EXT1: variants seen among roughly 807,000 people sequenced by gnomAD.
EXT1 encodes exostosin glycosyltransferase 1, also known as exostosin-1.
EXT1 carries 20 observed loss-of-function variants against 82.5 expected under a neutral mutation model. The ratio of observed to expected loss-of-function variants is 0.24; its 90% CI spans 0.17 to 0.35. The LOEUF (loss-of-function observed/expected upper bound fraction) is 0.35, where lower values mean the gene tolerates loss of function less well. Among genes scored for constraint, EXT1 ranks in the 10% least tolerant of loss-of-function variants. The probability of loss-of-function intolerance (pLI) is 1.00; values close to 1 mark genes in which losing one functional copy is unlikely to be tolerated. For missense variants in EXT1, 757 were observed against 936.5 expected (o/e 0.81, Z 2.50); for synonymous variants, 348 against 350.8 (o/e 0.99, Z 0.09).
intron 1 of EXT1, among the ~76,000 whole-genome samples, chr8:117,873,721 G>T (rs1367259577): frequency 6.6e-6 from 1 of 152,162 alleles, no homozygotes; most frequent in East Asian, 1.9e-4. Context: ...CTCCCAAAGT[G>T]CTGGGATTAC....
chr8:117,832,609 T>C (rs1812121232), intron 3 of EXT1, among the ~76,000 whole-genome samples: 1 of 152,110 alleles, frequency 6.6e-6, no homozygotes. Context: ...GCTGTGGTTA[T>C]GAAAGGAGAA....
intron 1 of EXT1, among the ~76,000 whole-genome samples, chr8:117,957,116 TAA>T (rs2129708542): frequency 6.6e-6 from 1 of 152,296 alleles, no homozygotes; most frequent in South Asian, 2.1e-4. Context: ...AGCACTGTGT[TAA>T]GAGTCACCAA....
intron 1 of EXT1, among the ~76,000 whole-genome samples, chr8:118,019,742 C>A (rs1816067772): frequency 6.6e-6 from 1 of 152,170 alleles, no homozygotes; most frequent in Non-Finnish European, 1.5e-5. Context: ...TCAACATCCC[C>A]TTTTTATTGT....
intron 1 of EXT1, among the ~76,000 whole-genome samples, chr8:117,935,947 AGAG>A (rs1199172421): frequency 6.6e-6 from 1 of 152,184 alleles, no homozygotes; most frequent in Non-Finnish European, 1.5e-5. Flanking sequence ...AACACCAGGC[AGAG>A]GAGAACGAAT....
At chr8:117,964,944 C>A (rs547980339) in intron 1 of EXT1, among the ~76,000 whole-genome samples, 1 of 152,180 alleles carries the variant, frequency 6.6e-6, no homozygotes, top group East Asian at 1.9e-4. Flanking sequence ...AGCCAGAAAT[C>A]TTTGTTTTAC....
chr8:117,988,382 G>C (rs1490390471), intron 1 of EXT1, among the ~76,000 whole-genome samples: 1 of 152,152 alleles, frequency 6.6e-6, no homozygotes, highest in Non-Finnish European at 1.5e-5. Context: ...TCATTACAAA[G>C]TGTAGATTCC....
rs985886821 is a variant in EXT1, at chr8:118,095,163, G to T, written c.962+14922C>A. On this transcript the variant is annotated intron_variant, in intron 1 of 10. Transcript: ENST00000378204. ...CACTTCATATTTTTCATCCAAGGGGGCTCATTTCTTAGCTTATTTTCATAG... is the reference window on the plus strand; with the variant it reads ...CACTTCATATTTTTCATCCAAGGGGTCTCATTTCTTAGCTTATTTTCATAG... Among the ~76,000 whole-genome samples, 4 of 152,116 alleles carry T rather than the reference G, an allele frequency of 2.6e-5. No individual in the cohort carries two copies. The East Asian group carries it at 7.7e-4, about 29-fold the overall frequency.
intron 1 of EXT1, among the ~76,000 whole-genome samples, chr8:117,866,805 A>AAG: frequency 6.6e-6 from 1 of 151,922 alleles, no homozygotes; most frequent in East Asian, 1.9e-4. Context: ...AAAAAAAAAA[A>AAG]AAAAAAAAAA....
chr8:117,939,584 AAAG>A (rs1199547421), intron 1 of EXT1, among the ~76,000 whole-genome samples: 37 of 151,208 alleles, frequency 2.4e-4, no homozygotes, highest in African/African-American at 8.8e-4. Flanking sequence ...AAAAAAAAAA[AAAG>A]AAAAAGAAAA....
chr8:117,804,293 A>G lies in EXT1; in HGVS notation c.2055+429T>C, dbSNP rs149682528. Among the ~76,000 whole-genome samples the G allele has an allele frequency of 5.0e-3, 758 of 152,320 alleles. 7 individuals carry two copies. The highest frequency in any genetic ancestry group is 0.021 in the Admixed American group (327 of 15,302). On this transcript the variant is annotated intron_variant, in intron 10 of 10. Transcript: ENST00000378204. ...TGCCATGTGAAGACACAATGAGCAG[A>G]GGGCTATCTATGAATCAGGAAACAG...
At chr8:118,051,970 G>A (rs150906849) in intron 1 of EXT1, among the ~76,000 whole-genome samples, 5 of 152,132 alleles carry the variant, frequency 3.3e-5, no homozygotes, top group Non-Finnish European at 5.9e-5. Flanking sequence ...AGTAAAAGTC[G>A]GCAAGGGTGT....
chr8:118,086,458 T>C (rs1162191433), intron 1 of EXT1, among the ~76,000 whole-genome samples: 1 of 152,220 alleles, frequency 6.6e-6, no homozygotes, highest in Admixed American at 6.5e-5. Context: ...TAATTGCACA[T>C]CCACAGACTT....
chr8:118,104,968 G>A (rs748119093), intron 1 of EXT1, among the ~76,000 whole-genome samples: 52 of 152,142 alleles, frequency 3.4e-4, no homozygotes, highest in African/African-American at 9.2e-4. Flanking sequence ...TCTTCTCTCC[G>A]TGAAAAGAAC....
At chr8:118,032,701 G>A (rs1050809056) in intron 1 of EXT1, among the ~76,000 whole-genome samples, 2 of 151,974 alleles carry the variant, frequency 1.3e-5, no homozygotes, top group Middle Eastern at 3.4e-3. Context: ...GTAGGGACGA[G>A]GTTTCTCCAC....
chr8:117,809,491 G>A (rs1177290509), intron 8 of EXT1, among the ~76,000 whole-genome samples: 1 of 151,630 alleles, frequency 6.6e-6, no homozygotes, highest in Non-Finnish European at 1.5e-5. Flanking sequence ...ATAGAAATTG[G>A]CTGGGCGTGG....
intron 1 of EXT1, among the ~76,000 whole-genome samples, chr8:117,851,105 T>C (rs145281496): frequency 6.6e-6 from 1 of 152,250 alleles, no homozygotes; most frequent in East Asian, 1.9e-4. Flanking sequence ...GGCACAACAC[T>C]TGTGCTTTCT....
intron 1 of EXT1, among the ~76,000 whole-genome samples, chr8:118,003,871 C>CTTGTTTGAA (rs1456807356): frequency 6.6e-6 from 1 of 152,132 alleles, no homozygotes; most frequent in Non-Finnish European, 1.5e-5. Context: ...GGTATATTTT[C>CTTGTTTGAA]ATGGTTTTTG....
At chr8:117,800,056 C>T (rs1041462333) in intron 10 of EXT1, among the ~76,000 whole-genome samples, 159 bp from the exon 11 acceptor site, 1 of 152,158 alleles carries the variant, frequency 6.6e-6, no homozygotes, top group Non-Finnish European at 1.5e-5. Context: ...AAAATGCAAT[C>T]GCTGATATTG....
chr8:117,871,614 G>C (rs1812872154), intron 1 of EXT1, among the ~76,000 whole-genome samples: 1 of 152,206 alleles, frequency 6.6e-6, no homozygotes, highest in Non-Finnish European at 1.5e-5. Flanking sequence ...TGCAAGAACG[G>C]CTAGGTGGGC....
Sources: gnomAD v4.1 joint callset for allele counts (sites outside exome capture counted in the v4.1 genomes callset) on GRCh38, gnomAD v4.1.1 for gene constraint, MANE v1.5 for transcripts, NCBI Gene and HGNC (gene_info 2026-07-23, HGNC 2026-07-21) for gene names.